PGCKA1: variants seen among roughly 807,000 people sequenced by gnomAD.
PGCKA1 encodes PDCD10 and GCKIII kinases-associated protein 1.
the PGCKA1 span, among the ~76,000 whole-genome samples, chr4:37,502,907 A>C: frequency 6.6e-6 from 1 of 152,172 alleles, no homozygotes; most frequent in South Asian, 2.1e-4. Flanking sequence ...CCAGGAGACC[A>C]AGGATTGCTG....
At chr4:37,499,731 AT>A in the PGCKA1 span, among the ~76,000 whole-genome samples, 1 of 150,564 alleles carries the variant, frequency 6.6e-6, no homozygotes, top group Non-Finnish European at 1.5e-5. Context: ...GTATTTTATT[AT>A]TTTTTTCAAA....
chr4:37,481,864 T>C, the PGCKA1 span, among the ~76,000 whole-genome samples: 1 of 152,184 alleles, frequency 6.6e-6, no homozygotes, highest in African/African-American at 2.4e-5. Flanking sequence ...AATTTAATCA[T>C]GGGGGCAGTT....
chr4:37,589,148 C>G, the PGCKA1 span, among the ~76,000 whole-genome samples: 9 of 152,170 alleles, frequency 5.9e-5, no homozygotes, highest in Non-Finnish European at 1.5e-5. Flanking sequence ...TGAATTTGGT[C>G]TGGGTTTCTG....
chr4:37,552,669 C>G, the PGCKA1 span, among the ~76,000 whole-genome samples: 9 of 152,200 alleles, frequency 5.9e-5, no homozygotes. Flanking sequence ...TTTGATGCCA[C>G]CACACGCCAG....
At chr4:37,523,796 G>T in the PGCKA1 span, among the ~76,000 whole-genome samples, 1 of 152,198 alleles carries the variant, frequency 6.6e-6, no homozygotes, top group South Asian at 2.1e-4. Context: ...CCAAGATCAG[G>T]GTGCGGGCCA....
At chr4:37,519,446 A>G in the PGCKA1 span, among the ~76,000 whole-genome samples, 2 of 151,968 alleles carry the variant, frequency 1.3e-5, no homozygotes, top group African/African-American at 4.8e-5. Flanking sequence ...TCTTTCACCA[A>G]TGTTTTATAG....
At chr4:37,593,418 C>G in the PGCKA1 span, among the ~76,000 whole-genome samples, 1 of 152,184 alleles carries the variant, frequency 6.6e-6, no homozygotes, top group South Asian at 2.1e-4. Flanking sequence ...GTTTCCTTCT[C>G]AAGATCACTT....
chr4:37,591,126 C>T, the PGCKA1 span: 1 of 743,346 alleles, frequency 1.3e-6, no homozygotes, highest in Non-Finnish European at 2.2e-6. Context: ...TTGTTTACAT[C>T]CAGCATCTGT....
the PGCKA1 span, among the ~76,000 whole-genome samples, chr4:37,571,488 G>A: frequency 1.4e-5 from 2 of 141,270 alleles, no homozygotes; most frequent in South Asian, 2.4e-4. Context: ...TCACCCTCCC[G>A]AGTGGCTGGG....
At chr4:37,501,301 G>A in the PGCKA1 span, among the ~76,000 whole-genome samples, 12 of 152,188 alleles carry the variant, frequency 7.9e-5, no homozygotes, top group African/African-American at 2.2e-4. Context: ...GCAGGTGAGC[G>A]AGCATTACCA....
chr4:37,582,771 T>C, the PGCKA1 span, among the ~76,000 whole-genome samples: 2 of 152,202 alleles, frequency 1.3e-5, no homozygotes, highest in African/African-American at 2.4e-5. Flanking sequence ...TAAGGCGCTG[T>C]ATGCCGGGTT....
chr4:37,464,438 C>T, the PGCKA1 span, among the ~76,000 whole-genome samples: 1 of 152,180 alleles, frequency 6.6e-6, no homozygotes, highest in Non-Finnish European at 1.5e-5. Flanking sequence ...AACTGGGACG[C>T]TAACTACTTC....
the PGCKA1 span, among the ~76,000 whole-genome samples, chr4:37,539,353 G>A: frequency 3.9e-5 from 6 of 152,148 alleles, no homozygotes; most frequent in Non-Finnish European, 7.3e-5. Context: ...TGATATGTAA[G>A]TTCCCCTCTA....
the PGCKA1 span, among the ~76,000 whole-genome samples, chr4:37,468,361 T>G: frequency 6.6e-6 from 1 of 152,180 alleles, no homozygotes. Context: ...TTCAGTGATA[T>G]AAACCTCCTC....
At chr4:37,548,760 T>C in the PGCKA1 span, among the ~76,000 whole-genome samples, 1 of 151,922 alleles carries the variant, frequency 6.6e-6, no homozygotes, top group Non-Finnish European at 1.5e-5. Flanking sequence ...AAATAGGTGC[T>C]AAAAGAAACA....
chr4:37,515,869 T>G, the PGCKA1 span, among the ~76,000 whole-genome samples: 1 of 152,348 alleles, frequency 6.6e-6, no homozygotes, highest in East Asian at 1.9e-4. Context: ...AGAGCAATGT[T>G]TGGCAATCTC....
the PGCKA1 span, among the ~76,000 whole-genome samples, chr4:37,570,746 C>T: frequency 6.6e-6 from 1 of 152,346 alleles, no homozygotes; most frequent in South Asian, 2.1e-4. Context: ...CTTCCAAATA[C>T]TCCAACTTCT....
the PGCKA1 span, among the ~76,000 whole-genome samples, chr4:37,550,336 C>G: frequency 6.6e-6 from 1 of 151,352 alleles, no homozygotes; most frequent in African/African-American, 2.4e-5. Flanking sequence ...GGGTGCAGTT[C>G]TCTAGACTGG....
chr4:37,488,671 C>T, the PGCKA1 span, among the ~76,000 whole-genome samples: 1 of 152,168 alleles, frequency 6.6e-6, no homozygotes, highest in Non-Finnish European at 1.5e-5. Context: ...CAGCATCAGT[C>T]TACCTTATTC....
Sources: allele counts gnomAD v4.1 joint callset (sites outside exome capture counted in the v4.1 genomes callset), GRCh38; gene constraint gnomAD v4.1.1; transcripts MANE v1.5; gene names NCBI Gene and HGNC (gene_info 2026-07-23, HGNC 2026-07-21).